FGF14: variants seen among roughly 807,000 people sequenced by gnomAD.
FGF14 encodes the protein fibroblast growth factor 14, also known as fibroblast growth factor homologous factor 4.
Under a neutral mutation model 25.5 loss-of-function variants are expected in FGF14, and 5 were observed. That is an observed-to-expected ratio of 0.20 (90% confidence interval 0.10 to 0.41). FGF14 has a LOEUF of 0.41. FGF14 is among the 10% of genes least tolerant of loss of function. The pLI is 1.00. For missense variants in FGF14, 222 were observed against 320.1 expected (o/e 0.69, Z 2.34); for synonymous variants, 138 against 118.3 (o/e 1.17, Z -1.08).
intron 1 of FGF14, among the ~76,000 whole-genome samples, chr13:102,031,815 C>CA (rs1387302241): frequency 6.6e-6 from 1 of 152,010 alleles, no homozygotes; most frequent in Non-Finnish European, 1.5e-5. Flanking sequence ...AATCTATAGT[C>CA]AAACCTTTTC....
chr13:102,382,906 A>C (rs1031332787), intron 1 of FGF14, among the ~76,000 whole-genome samples: 1 of 152,128 alleles, frequency 6.6e-6, no homozygotes, highest in Non-Finnish European at 1.5e-5. Flanking sequence ...CAAATTCATA[A>C]GACATAGAAA....
intron 1 of FGF14, among the ~76,000 whole-genome samples, chr13:102,007,642 A>T (rs934839826): frequency 5.3e-5 from 8 of 152,178 alleles, no homozygotes; most frequent in African/African-American, 1.9e-4. Flanking sequence ...ATGTTCATCA[A>T]ACTCTTTATA....
chr13:101,814,962 A>G (rs936895312), intron 3 of FGF14, among the ~76,000 whole-genome samples: 8 of 149,106 alleles, frequency 5.4e-5, no homozygotes, highest in African/African-American at 1.9e-4. Context: ...AATAACAATA[A>G]AAGACTCAAA....
At chr13:101,958,454 C>G (rs66810214) in intron 1 of FGF14, among the ~76,000 whole-genome samples, 15,408 of 152,278 alleles carry the variant, frequency 0.1, 911 homozygotes, top group Admixed American at 0.2. Context: ...TCCTGGACCC[C>G]AGTGGTCCTG....
At chr13:102,068,666 C>T (rs878993376) in intron 1 of FGF14, among the ~76,000 whole-genome samples, 3 of 152,334 alleles carry the variant, frequency 2.0e-5, no homozygotes, top group East Asian at 1.9e-4. Flanking sequence ...GCCAGCCCAC[C>T]GGCGCTGTGC....
intron 1 of FGF14, among the ~76,000 whole-genome samples, chr13:102,230,500 G>A (rs73567257): frequency 0.027 from 4,129 of 152,228 alleles, 174 homozygotes; most frequent in African/African-American, 0.094. Flanking sequence ...AAAGGAAAAA[G>A]TGGTTCATTT....
chr13:101,867,146 T>C (rs954462509), intron 3 of FGF14, among the ~76,000 whole-genome samples: 2 of 152,136 alleles, frequency 1.3e-5, no homozygotes, highest in African/African-American at 4.8e-5. Context: ...GGAAACCATA[T>C]TTAAAATGCA....
At chr13:102,101,288 C>T (rs184458132) in intron 1 of FGF14, among the ~76,000 whole-genome samples, 148 of 152,222 alleles carry the variant, frequency 9.7e-4, no homozygotes, top group Admixed American at 6.3e-3. Flanking sequence ...TATTTGGGAA[C>T]ATTATGAAAT....
chr13:102,081,715 T>A (rs1295321252), intron 1 of FGF14, among the ~76,000 whole-genome samples: 1 of 152,232 alleles, frequency 6.6e-6, no homozygotes, highest in African/African-American at 2.4e-5. Flanking sequence ...TACTATGACA[T>A]GTGTTTTTGT....
intron 2 of FGF14, among the ~76,000 whole-genome samples, chr13:101,871,111 T>C (rs979716601): frequency 6.6e-6 from 1 of 152,172 alleles, no homozygotes; most frequent in Non-Finnish European, 1.5e-5. Context: ...CCGGTACTAG[T>C]TAAAAACACA....
chr13:102,112,364 A>AC (rs569950065), intron 1 of FGF14, among the ~76,000 whole-genome samples: 1 of 151,404 alleles, frequency 6.6e-6, no homozygotes, highest in Non-Finnish European at 1.5e-5. Context: ...CACACCTGCC[A>AC]CCCCCCAGCC....
chr13:101,942,070 C>T (rs1054083710), intron 1 of FGF14, among the ~76,000 whole-genome samples: 1 of 152,136 alleles, frequency 6.6e-6, no homozygotes, highest in African/African-American at 2.4e-5. Flanking sequence ...GACTATTGGG[C>T]TAATATAAAA....
chr13:101,715,211 C>T lies in FGF14; in HGVS notation c.*7620G>A. Reference sequence around the variant, plus strand: ...CTCTCTTCACGGATTACTTGGCCTGCCTCATGTTATGTCAAAGAGCCTTAT... The same window carrying T: ...CTCTCTTCACGGATTACTTGGCCTGTCTCATGTTATGTCAAAGAGCCTTAT... On this transcript the variant is annotated 3_prime_UTR_variant, in exon 5 of 5. Coordinates refer to ENST00000376143, the MANE Select transcript of FGF14 (RefSeq NM_004115.4). 1 of 200,730 alleles carries T rather than the reference C, an allele frequency of 5.0e-6. No individual in the cohort carries two copies. 12.4% of individuals were successfully genotyped at this position (200,730 alleles called of 1,614,324 possible). A position where few individuals can be genotyped will look rare whatever the true frequency, so the allele number is the denominator to read the frequency against.
rs1555369385 is a variant in FGF14, at chr13:102,161,570, A to AAAGAGAAGAAGAAGAAGAAAGAAG, written c.208+239900_208+239901insCTTCTTTCTTCTTCTTCTTCTCTT. On this transcript the variant is annotated intron_variant, in intron 1 of 4. Transcript: ENST00000376131. ...TCTATGCAACCAACTTTCTGTGAAGAAAGAAAGAAGAAGAAGAAGAAGAAG... is the reference window on the plus strand; with the variant it reads ...TCTATGCAACCAACTTTCTGTGAAGAAAGAGAAGAAGAAGAAGAAAGAAGAAGAAAGAAGAAGAAGAAGAAGAAG... Among the ~76,000 whole-genome samples the AAAGAGAAGAAGAAGAAGAAAGAAG allele has an allele frequency of 1.2e-3, 7 of 5,650 alleles. 1 individual carries two copies. The highest frequency in any genetic ancestry group is 3.0e-3 in the African/African-American group (1 of 334). The allele number at this position is 5,650 out of a possible 152,430, so 3.7% of individuals were successfully genotyped here. A position where few individuals can be genotyped will look rare whatever the true frequency, so the allele number is the denominator to read the frequency against.
At chr13:101,910,098 TG>T (rs1253640510) in intron 1 of FGF14, among the ~76,000 whole-genome samples, 2 of 131,522 alleles carry the variant, frequency 1.5e-5, no homozygotes, top group African/African-American at 5.8e-5. Flanking sequence ...TGTTGTGGGG[TG>T]GGGGTAGGGG....
At chr13:101,969,459 A>G (rs2139528026) in intron 1 of FGF14, among the ~76,000 whole-genome samples, 1 of 152,306 alleles carries the variant, frequency 6.6e-6, no homozygotes, top group Non-Finnish European at 1.5e-5. Flanking sequence ...AGTCATTGGT[A>G]AAGCCAAAAT....
At chr13:102,082,441 T>C (rs893595215) in intron 1 of FGF14, among the ~76,000 whole-genome samples, 2 of 152,148 alleles carry the variant, frequency 1.3e-5, no homozygotes, top group African/African-American at 4.8e-5. Context: ...CTAGTTCTCA[T>C]TAATTTCAAT....
intron 3 of FGF14, among the ~76,000 whole-genome samples, chr13:101,727,343 C>G (rs1447522685): frequency 1.3e-5 from 2 of 152,084 alleles, no homozygotes; most frequent in African/African-American, 4.8e-5. Flanking sequence ...ACTTGCCAGC[C>G]ACTAGAGCTA....
Position 101,849,678 on chromosome 13 carries a change from G to T in FGF14, c.408+19047C>A, listed in dbSNP as rs142829200. ...ATCCAAAAAAGAAATGGATGAGAGA[G>T]AGATACATGGCTGAGCATAGTTTAG... On this transcript the variant is annotated intron_variant, in intron 3 of 4. Coordinates refer to ENST00000376143, the MANE Select transcript of FGF14 (RefSeq NM_004115.4). Among the ~76,000 whole-genome samples, 1,020 of 152,214 alleles carry T rather than the reference G, an allele frequency of 6.7e-3. 10 individuals are homozygous for T. Among genetic ancestry groups the T allele is most frequent in the South Asian group, 0.018 (85 of 4,824 alleles).
Sources: allele counts gnomAD v4.1 joint callset (sites outside exome capture counted in the v4.1 genomes callset), GRCh38; gene constraint gnomAD v4.1.1; transcripts MANE v1.5; gene names NCBI Gene and HGNC (gene_info 2026-07-23, HGNC 2026-07-21).